The following KCTD19 variants were observed in gnomAD, a reference collection of about 807,000 sequenced individuals.
KCTD19 encodes the protein BTB/POZ domain-containing protein KCTD19.
A neutral mutation model predicts 103.5 loss-of-function variants in KCTD19; 67 were observed. The observed-to-expected ratio is 0.65, with a 90% CI of 0.53 to 0.79. KCTD19 has a LOEUF of 0.79. KCTD19 is among the 30% of genes least tolerant of loss of function. The probability of loss-of-function intolerance (pLI) is 0.00; values close to 1 mark genes in which losing one functional copy is unlikely to be tolerated. For missense variants in KCTD19, 980 were observed against 1,136.1 expected, an observed-to-expected ratio of 0.86 and a Z score of 1.98; for synonymous variants, 439 against 452.2, an observed-to-expected ratio of 0.97 and a Z score of 0.37.
chr16:67,318,378 A>T (rs998620651), intron 2 of KCTD19, among the ~76,000 whole-genome samples: 4 of 152,084 alleles, frequency 2.6e-5, no homozygotes, highest in Non-Finnish European at 4.4e-5. Flanking sequence ...CCTGGCCAAC[A>T]TGGTGAAACC....
At chr16:67,321,800 C>G (rs2037076307) in intron 1 of KCTD19, 1 of 152,212 alleles carries the variant, frequency 6.6e-6, no homozygotes. Flanking sequence ...CTTGTATACC[C>G]TTGACTGAAG....
chr16:67,291,250 C>T, intron 14 of KCTD19, 59 bp downstream of exon 14: 1 of 1,564,848 alleles, frequency 6.4e-7, no homozygotes, highest in Non-Finnish European at 8.7e-7. Context: ...TATTGTGGGG[C>T]AGGGGAAGAG....
chr16:67,315,603 T>A (rs1248452611), intron 2 of KCTD19, among the ~76,000 whole-genome samples: 2 of 152,172 alleles, frequency 1.3e-5, no homozygotes, highest in African/African-American at 4.8e-5. Context: ...TGCCTCAGCC[T>A]CCCAAGTAGC....
intron 12 of KCTD19, 57 bp from the exon 13 acceptor site, chr16:67,291,894 A>G (rs2036701931): frequency 7.7e-7 from 1 of 1,300,678 alleles, no homozygotes. Flanking sequence ...TTTTTTCAAG[A>G]TAGAGTTTTG....
chr16:67,299,994 C>G (rs1200781421), intron 5 of KCTD19: 1 of 182,598 alleles, frequency 5.5e-6, no homozygotes, highest in Non-Finnish European at 1.1e-5. Context: ...CTGTTGCTGG[C>G]TCTCCTGGGC....
chr16:67,308,045 C>G (rs2036911669), intron 2 of KCTD19, among the ~76,000 whole-genome samples: 1 of 152,070 alleles, frequency 6.6e-6, no homozygotes, highest in Non-Finnish European at 1.5e-5. Context: ...AATCTGGAAG[C>G]TGTTGTAAAG....
At position 67,297,643 on chromosome 16, in the gene KCTD19, C is replaced by T. The variant is rs764288544; in HGVS notation, c.1007G>A (p.Arg336Gln). Residue 336 changes from arginine (R) to glutamine (Q), a missense_variant, in exon 7 of 16, where the codon CGG becomes CAG. Physicochemically the swap from Arg to Gln is conservative, Grantham distance 43. Transcript: ENST00000304372. ...QHVKNWLGTC[R>Q]LPLTETISEV... The stretch of plus-strand genomic sequence containing the variant: ...GGAAATGGTCTCTGTCAGGGGCAGC[C>T]GGCAAGTCCCCAGCCAGTTCCTGCC... 24 of 1,613,724 alleles carry T rather than the reference C, an allele frequency of 1.5e-5. No homozygotes were observed. In the Middle Eastern group the frequency reaches 5.1e-4, roughly 34 times the overall value.
chr16:67,324,171 T>C (rs1479639953), intron 1 of KCTD19, among the ~76,000 whole-genome samples: 1 of 152,226 alleles, frequency 6.6e-6, no homozygotes, highest in Non-Finnish European at 1.5e-5. Context: ...TAAGGTCATC[T>C]ATTTATAAGT....
chr16:67,290,850 T>C (rs373662358), intron 15 of KCTD19, 35 bp downstream of exon 15: 96 of 1,548,902 alleles, frequency 6.2e-5, no homozygotes, highest in Non-Finnish European at 4.7e-5. Flanking sequence ...ATCCACAGGG[T>C]CGGTGGATTC....
chr16:67,293,073 T>C lies in KCTD19; in HGVS notation c.2218+471A>G, dbSNP rs902487230. On this transcript the variant is annotated intron_variant, in intron 12 of 15. Coordinates refer to ENST00000304372, the MANE Select transcript of KCTD19 (RefSeq NM_001100915.3). This position sits in a 1 kb window ranked among gnomAD's most constrained non-coding sequence, Gnocchi z 4.0. ...ATGGGCACACCTGACCCCGTGCTCT[T>C]GTCTAAAATCCTTCAGACGCTGCTC... Among the ~76,000 whole-genome samples the C allele has an allele frequency of 6.6e-6, 1 of 152,174 alleles. No individual in the cohort carries two copies.
Position 67,299,737 on chromosome 16 carries a change from A to T in KCTD19, c.776-164T>A, listed in dbSNP as rs1008878455. ...TCAAGATCTTCTCAAAATTAGTATA[A>T]TTTTTTTGTATACTCAGGCTTAGAA... On this transcript the variant is annotated intron_variant, in intron 5 of 15. Transcript: ENST00000304372. The T allele has an allele frequency of 3.5e-5, 21 of 600,548 alleles. No homozygotes were observed. In the African/African-American group the frequency reaches 3.7e-4, roughly 11 times the overall value. The allele number at this position is 600,548 out of a possible 1,614,324, so 37.2% of individuals were successfully genotyped here.
chr16:67,298,773 C>T (rs1422749847), intron 6 of KCTD19, among the ~76,000 whole-genome samples: 3 of 152,210 alleles, frequency 2.0e-5, no homozygotes, highest in African/African-American at 7.2e-5. Context: ...GTTTTGTGAC[C>T]CTCAGAGAGT....
chr16:67,309,342 T>C (rs1265085179), intron 2 of KCTD19, among the ~76,000 whole-genome samples: 2 of 152,064 alleles, frequency 1.3e-5, no homozygotes, highest in Non-Finnish European at 2.9e-5. Context: ...GCAGAGCCTA[T>C]GGAGTTCAGA....
intron 2 of KCTD19, among the ~76,000 whole-genome samples, chr16:67,309,138 A>G (rs1200518738): frequency 2.0e-5 from 3 of 151,872 alleles, no homozygotes; most frequent in Non-Finnish European, 4.4e-5. Context: ...CAAAAAAAAA[A>G]AAAAAAGAAA....
chr16:67,312,380 T>C (rs2036958595), intron 2 of KCTD19, among the ~76,000 whole-genome samples: 1 of 152,224 alleles, frequency 6.6e-6, no homozygotes, highest in African/African-American at 2.4e-5. Flanking sequence ...CAGGAAGTTC[T>C]AGGAGGCCCT....
At chr16:67,308,560 G>A (rs1295336963) in intron 2 of KCTD19, among the ~76,000 whole-genome samples, 1 of 152,068 alleles carries the variant, frequency 6.6e-6, no homozygotes, top group East Asian at 1.9e-4. Context: ...AACACATCAC[G>A]TTCTTTGACA....
chr16:67,291,176 C>G lies in KCTD19; in HGVS notation c.2565+133G>C. Reference sequence around the variant, plus strand: ...CTCTGCTTGCCTCCCTGTCCCACCACTCTTCTGGCCCTGGCCTTCTCCTTA... The same window carrying G: ...CTCTGCTTGCCTCCCTGTCCCACCAGTCTTCTGGCCCTGGCCTTCTCCTTA... On this transcript the variant is annotated intron_variant, in intron 14 of 15. Transcript: ENST00000304372. 2.4e-6 allele frequency: 3 copies of G among 1,236,620 alleles called. No individual in the cohort carries two copies. In the South Asian group the frequency reaches 4.5e-5, roughly 18 times the overall value. 76.6% of individuals were successfully genotyped at this position (1,236,620 alleles called of 1,614,324 possible). A position where few individuals can be genotyped will look rare whatever the true frequency, so the allele number is the denominator to read the frequency against.
At position 67,303,127 on chromosome 16, in the gene KCTD19, C is replaced by T. The variant is rs773789704; in HGVS notation, c.643+19G>A. On this transcript the variant is annotated intron_variant, in intron 4 of 15. Transcript: ENST00000304372. The surrounding 1 kb of genome is among the most constrained non-coding windows in gnomAD (Gnocchi z 4.3). The stretch of plus-strand genomic sequence containing the variant: ...CCCTATCAGCCCGCCCCCCACCCCA[C>T]CCCGGACAGAGCAATCACCAATGAA... The T allele has an allele frequency of 5.0e-6, 3 of 598,626 alleles. No individual in the cohort carries two copies. Among genetic ancestry groups the T allele is most frequent in the South Asian group, 2.8e-5 (2 of 70,202 alleles). 37.1% of individuals were successfully genotyped at this position (598,626 alleles called of 1,614,324 possible).
At chr16:67,290,167 CTTTTTTTTTTTTTT>C (rs11296444) in intron 15 of KCTD19, among the ~76,000 whole-genome samples, 6 of 69,282 alleles carry the variant, frequency 8.7e-5, no homozygotes, top group African/African-American at 1.8e-4. Flanking sequence ...TGAATATTTT[CTTTTTTTTTTTTTT>C]TTTTTTTTTT....
Sources: allele counts gnomAD v4.1 joint callset (sites outside exome capture counted in the v4.1 genomes callset), GRCh38; gene constraint gnomAD v4.1.1; non-coding constraint Gnocchi (gnomAD v3.1); transcripts MANE v1.5; gene names NCBI Gene and HGNC (gene_info 2026-07-23, HGNC 2026-07-21).